FER1L6: variants seen among roughly 807,000 people sequenced by gnomAD.
FER1L6 encodes fer-1-like protein 6.
In FER1L6, 177 loss-of-function variants were observed where a neutral mutation model predicts 219.2. The ratio of observed to expected loss-of-function variants is 0.81; its 90% CI spans 0.71 to 0.91. FER1L6 has a LOEUF of 0.91. Ranked by LOEUF, FER1L6 falls within the 40% of genes least tolerant of loss-of-function variation. The pLI is 0.00. For missense variants in FER1L6, 2,153 were observed against 2,259.9 expected, an observed-to-expected ratio of 0.95 and a Z score of 0.96; for synonymous variants, 768 against 824.3, an observed-to-expected ratio of 0.93 and a Z score of 1.17.
chr8:124,114,253 T>C, intron 39 of FER1L6, among the ~76,000 whole-genome samples: 1 of 151,076 alleles, frequency 6.6e-6, no homozygotes, highest in South Asian at 2.1e-4. Context: ...GACAAATACA[T>C]AATTATATCA....
At chr8:124,075,924 A>C (rs1586673341) in intron 31 of FER1L6, among the ~76,000 whole-genome samples, 1 of 152,192 alleles carries the variant, frequency 6.6e-6, no homozygotes, top group East Asian at 1.9e-4. Context: ...CTTTCCACTG[A>C]GGAGATGACT....
At chr8:123,969,884 A>G in intron 5 of FER1L6, 151 bp from the exon 6 acceptor site, 1 of 621,994 alleles carries the variant, frequency 1.6e-6, no homozygotes, top group South Asian at 2.1e-5. Flanking sequence ...AAAAAAAAAA[A>G]AAGAGAATTG....
intron 1 of FER1L6, among the ~76,000 whole-genome samples, chr8:123,946,972 A>G (rs1814521946): frequency 6.6e-6 from 1 of 152,164 alleles, no homozygotes; most frequent in African/African-American, 2.4e-5. Flanking sequence ...AATGACTATA[A>G]GAGACTGGTG....
At chr8:124,062,724 T>G (rs1820642068) in intron 25 of FER1L6, among the ~76,000 whole-genome samples, 1 of 152,206 alleles carries the variant, frequency 6.6e-6, no homozygotes, top group Non-Finnish European at 1.5e-5. Context: ...GCAATGAATA[T>G]CCCTGTGTGT....
chr8:123,941,741 C>T (rs913995490), intron 1 of FER1L6, among the ~76,000 whole-genome samples: 2 of 152,034 alleles, frequency 1.3e-5, no homozygotes, highest in African/African-American at 2.4e-5. Flanking sequence ...CTTTGGACTC[C>T]GTGGAGTTAT....
intron 29 of FER1L6, 140 bp from the exon 30 acceptor site, chr8:124,070,327 C>T: frequency 3.6e-6 from 3 of 829,970 alleles, no homozygotes; most frequent in Non-Finnish European, 5.6e-6. Flanking sequence ...CCTTATCTCA[C>T]TGAAGATAAA....
At position 123,950,146 on chromosome 8, in the gene FER1L6, G is replaced by A. The variant is rs1009187413; in HGVS notation, c.-7-5846G>A. ...GAGGAAGTCTTAGGCTGCGGTGGGGGCGTCTAGTAGTCCTATCTGTACTGC... is the reference window on the plus strand; with the variant it reads ...GAGGAAGTCTTAGGCTGCGGTGGGGACGTCTAGTAGTCCTATCTGTACTGC... On this transcript the variant is annotated intron_variant, in intron 1 of 40. Transcript: ENST00000522917. Among the ~76,000 whole-genome samples, 12 of 152,290 alleles carry A rather than the reference G, an allele frequency of 7.9e-5. 1 individual carries two copies. In the South Asian group the frequency reaches 2.3e-3, roughly 29 times the overall value.
At position 123,853,513 on chromosome 8, in the gene FER1L6, G is replaced by T. The variant is rs1366222976; in HGVS notation, c.-8+1328G>T. On this transcript the variant is annotated intron_variant, in intron 1 of 40. Transcript: ENST00000522917. This position sits in a 1 kb window ranked among gnomAD's most constrained non-coding sequence, Gnocchi z 6.6. Reference sequence around the variant, plus strand: ...CTTAGAAAGGTCTTAATGAGGAAATGATACAGATGATGATTTGGACCCAAG... The same window carrying T: ...CTTAGAAAGGTCTTAATGAGGAAATTATACAGATGATGATTTGGACCCAAG... Among the ~76,000 whole-genome samples, 1 of 152,182 alleles carries T rather than the reference G, an allele frequency of 6.6e-6. No individual in the cohort carries two copies. The highest frequency in any genetic ancestry group is 1.5e-5 in the Non-Finnish European group (1 of 68,032).
At chr8:124,032,310 A>G (rs1819004844) in intron 18 of FER1L6, among the ~76,000 whole-genome samples, 1 of 152,158 alleles carries the variant, frequency 6.6e-6, no homozygotes, top group South Asian at 2.1e-4. Context: ...CTGCAATCCC[A>G]GGTACTTGGG....
chr8:123,927,463 G>A (rs949367981), intron 1 of FER1L6, among the ~76,000 whole-genome samples: 2 of 152,180 alleles, frequency 1.3e-5, no homozygotes, highest in Admixed American at 6.5e-5. Flanking sequence ...GAGTGGCCAG[G>A]ATACATTGAT....
chr8:123,951,622 GA>G (rs1814772804), intron 1 of FER1L6, among the ~76,000 whole-genome samples: 2 of 152,172 alleles, frequency 1.3e-5, no homozygotes, highest in South Asian at 4.1e-4. Context: ...TTGAATGGTG[GA>G]AAAATTTTGT....
intron 1 of FER1L6, among the ~76,000 whole-genome samples, chr8:123,900,718 C>T (rs1812840789): frequency 6.6e-6 from 1 of 152,120 alleles, no homozygotes; most frequent in African/African-American, 2.4e-5. Context: ...TAAAGTGGTA[C>T]TGGATTTTGT....
At chr8:124,070,848 T>C (rs1821039276) in intron 30 of FER1L6, among the ~76,000 whole-genome samples, 1 of 152,206 alleles carries the variant, frequency 6.6e-6, no homozygotes, top group African/African-American at 2.4e-5. Flanking sequence ...AAAGGAACAC[T>C]GAACTTTACT....
intron 7 of FER1L6, 48 bp from the exon 8 acceptor site, chr8:123,975,102 T>A: frequency 6.7e-7 from 1 of 1,494,670 alleles, no homozygotes; most frequent in Non-Finnish European, 9.0e-7. Flanking sequence ...GGGGTGGGGC[T>A]GCTGGGCCCA....
intron 12 of FER1L6, among the ~76,000 whole-genome samples, chr8:123,989,531 C>T (rs1816752503): frequency 6.6e-6 from 1 of 152,162 alleles, no homozygotes; most frequent in Non-Finnish European, 1.5e-5. Context: ...GTACATTGTA[C>T]CCAGTATATA....
intron 22 of FER1L6, among the ~76,000 whole-genome samples, chr8:124,055,217 T>C (rs964236842): frequency 2.0e-5 from 3 of 151,448 alleles, no homozygotes; most frequent in Non-Finnish European, 4.4e-5. Flanking sequence ...GGCAGGAGGA[T>C]CGTTTGAGTC....
At chr8:124,054,059 G>T (rs890161716) in intron 22 of FER1L6, among the ~76,000 whole-genome samples, 1 of 152,060 alleles carries the variant, frequency 6.6e-6, no homozygotes, top group African/African-American at 2.4e-5. Context: ...CCACAGCCAG[G>T]CCCGCCCTGC....
intron 12 of FER1L6, among the ~76,000 whole-genome samples, chr8:123,987,382 C>T (rs538437165): frequency 9.2e-5 from 14 of 151,586 alleles, no homozygotes; most frequent in Non-Finnish European, 1.8e-4. Flanking sequence ...TTTTTTTTTC[C>T]TATACAGTTG....
chr8:124,037,047 T>C (rs1303999308), intron 19 of FER1L6, among the ~76,000 whole-genome samples: 1 of 152,158 alleles, frequency 6.6e-6, no homozygotes, highest in Non-Finnish European at 1.5e-5. Flanking sequence ...AAGCAAGCCA[T>C]AGCACAAGAG....
Sources: gnomAD v4.1 joint callset for allele counts (sites outside exome capture counted in the v4.1 genomes callset) on GRCh38, gnomAD v4.1.1 for gene constraint, Gnocchi (gnomAD v3.1) non-coding constraint, MANE v1.5 for transcripts, NCBI Gene and HGNC (gene_info 2026-07-23, HGNC 2026-07-21) for gene names.